Variants in ZBTB11 observed in about 807,000 individuals in gnomAD.
ZBTB11 encodes zinc finger and BTB domain-containing protein 11.
ZBTB11 carries 68 observed loss-of-function variants against 113.1 expected under a neutral mutation model. That is an observed-to-expected ratio of 0.60 (90% CI 0.49 to 0.74). ZBTB11 has a LOEUF of 0.74. ZBTB11 is among the 30% of genes least tolerant of loss of function. The pLI, the probability that ZBTB11 is intolerant of heterozygous loss-of-function variation, is 0.00. For synonymous variants in ZBTB11, 518 were observed against 452.6 expected (o/e 1.14, Z -1.83); for missense variants, 1,104 against 1,279.4 (o/e 0.86, Z 2.09).
intron 1 of ZBTB11, among the ~76,000 whole-genome samples, chr3:101,675,849 C>A (rs1559989971): frequency 6.6e-6 from 1 of 152,190 alleles, no homozygotes; most frequent in African/African-American, 2.4e-5. Context: ...AATCCCAACA[C>A]TTTGGGAGGC....
intron 3 of ZBTB11, among the ~76,000 whole-genome samples, chr3:101,669,830 CTTT>C (rs34961780): frequency 1.4e-5 from 2 of 141,192 alleles, no homozygotes; most frequent in Non-Finnish European, 3.1e-5. Context: ...GCTATTAGTG[CTTT>C]TTTTTTTTTT....
At chr3:101,668,547 T>C (rs1329742213) in intron 3 of ZBTB11, among the ~76,000 whole-genome samples, 1 of 151,392 alleles carries the variant, frequency 6.6e-6, no homozygotes, top group Non-Finnish European at 1.5e-5. Context: ...GAAAATTGCT[T>C]GAGCCCAAAA....
At chr3:101,671,062 G>C (rs570384393) in intron 3 of ZBTB11, 68 bp downstream of exon 3, 1 of 1,314,992 alleles carries the variant, frequency 7.6e-7, no homozygotes, top group East Asian at 2.4e-5. Flanking sequence ...GTGTGTGGAA[G>C]ACATACATAT....
At chr3:101,672,349 T>C (rs973128412) in intron 1 of ZBTB11, 136 bp from the exon 2 acceptor site, 1 of 599,764 alleles carries the variant, frequency 1.7e-6, no homozygotes, top group African/African-American at 1.9e-5. Context: ...TAGAGTTTAT[T>C]AGAATGTAAA....
intron 8 of ZBTB11, among the ~76,000 whole-genome samples, chr3:101,653,922 G>T (rs754325027): frequency 2.0e-5 from 3 of 152,180 alleles, no homozygotes; most frequent in Non-Finnish European, 4.4e-5. Context: ...ACAGGGTCTT[G>T]CTATGCTGCC....
At chr3:101,653,011 AT>A in intron 8 of ZBTB11, 73 bp from the exon 9 acceptor site, 1 of 1,494,986 alleles carries the variant, frequency 6.7e-7, no homozygotes, top group Non-Finnish European at 8.9e-7. Context: ...CTCAGTAACT[AT>A]TTTTAGTTTT....
chr3:101,672,283 TGCACATTAACACA>T, intron 1 of ZBTB11, 70 bp from the exon 2 acceptor site: 1 of 1,101,860 alleles, frequency 9.1e-7, no homozygotes, highest in Non-Finnish European at 1.3e-6. Context: ...ATTTAGTCTG[TGCACATTAACACA>T]TTTCAGTACA....
At chr3:101,670,476 C>T (rs1937070811) in intron 3 of ZBTB11, 1 of 152,026 alleles carries the variant, frequency 6.6e-6, no homozygotes, top group South Asian at 2.1e-4. Flanking sequence ...AAACAAAAAA[C>T]AAACCTGGGA....
At chr3:101,656,042 A>C (rs1936791902) in intron 7 of ZBTB11, 62 bp downstream of exon 7, 6 of 1,219,040 alleles carry the variant, frequency 4.9e-6, no homozygotes, top group Non-Finnish European at 6.5e-6. Flanking sequence ...TTCTGGTATA[A>C]TTAAAGCATA....
At chr3:101,661,820 GT>G (rs1363139047) in intron 5 of ZBTB11, among the ~76,000 whole-genome samples, 2 of 151,912 alleles carry the variant, frequency 1.3e-5, no homozygotes, top group Non-Finnish European at 2.9e-5. Flanking sequence ...TCTTTATATT[GT>G]TTTCCATGTT....
intron 1 of ZBTB11, among the ~76,000 whole-genome samples, chr3:101,674,401 A>G (rs1425592293): frequency 2.6e-5 from 4 of 152,136 alleles, no homozygotes; most frequent in East Asian, 1.9e-4. Context: ...ATATGAGTGT[A>G]GATTTAGAGA....
At chr3:101,668,844 T>C (rs938272380) in intron 3 of ZBTB11, among the ~76,000 whole-genome samples, 1 of 151,936 alleles carries the variant, frequency 6.6e-6, no homozygotes, top group Non-Finnish European at 1.5e-5. Flanking sequence ...TCAGGGACTA[T>C]CTGAAAATAA....
Position 101,656,237 on chromosome 3 carries a change from C to G in ZBTB11, c.2058G>C (p.Lys686Asn), listed in dbSNP as rs144559723. ...VKPHACQVCGKTFIYKHGLKL... is the reference protein window; with the variant it reads ...VKPHACQVCGNTFIYKHGLKL... ...TTAGACCATGCTTATAGATAAAAGT[C>G]TTTCCACAGACCTAAGATAGAACAG... The change falls in exon 7 of 11, where the codon AAG becomes AAC. Residue 686 changes from lysine (K) to asparagine (N), a missense_variant. Transcript: ENST00000312938. The G allele has an allele frequency of 2.5e-6, 4 of 1,575,214 alleles. No homozygotes were observed. Among genetic ancestry groups the G allele is most frequent in the Non-Finnish European group, 3.4e-6 (4 of 1,162,402 alleles).
chr3:101,672,059 G>T lies in ZBTB11; in HGVS notation c.465C>A (p.Asp155Glu), dbSNP rs540971906. ...SGEESNESED[D>E]LSNFTSSPTT... ...TTGGAGATGAAGTAAAGTTGCTCAG[G>T]TCATCTTCCGATTCATTACTTTCTT... Residue 155 changes from aspartate to glutamate, a missense_variant, in exon 2 of 11, where the codon GAC (aspartate) becomes GAA (glutamate). Physicochemically the swap from Asp to Glu is conservative, Grantham distance 45. This residue lies in a region of ZBTB11 where 245 missense variants were observed against 272.5 expected (regional missense o/e 0.90). Coordinates refer to ENST00000312938, the MANE Select transcript of ZBTB11 (RefSeq NM_014415.4). The T allele has an allele frequency of 6.2e-7, 1 of 1,614,126 alleles. No homozygotes were observed. The highest frequency in any genetic ancestry group is 1.3e-5 in the African/African-American group (1 of 75,036).
At chr3:101,662,709 A>G (rs1162817572) in intron 5 of ZBTB11, among the ~76,000 whole-genome samples, 1 of 152,092 alleles carries the variant, frequency 6.6e-6, no homozygotes, top group Non-Finnish European at 1.5e-5. Context: ...ATATGTTCTG[A>G]AGTTTTTTTC....
chr3:101,671,650 T>C (rs1937087629), intron 2 of ZBTB11: 1 of 577,972 alleles, frequency 1.7e-6, no homozygotes, highest in Admixed American at 3.3e-5. Flanking sequence ...AACAAAGACC[T>C]GGCCAGATTA....
rs1230362931 is a variant in ZBTB11 at position 101,665,073 on chromosome 3, C to G, written c.1514G>C (p.Ser505Thr). 1.2e-6 allele frequency: 2 copies of G among 1,614,126 alleles called. No individual in the cohort carries two copies. The highest frequency in any genetic ancestry group is 2.7e-5 in the African/African-American group (2 of 75,032). ...DFGPDDDTYR[S>T]RLRQRSVNEG... ...ATTAACAGAACGTTGTCGAAGCCTG[C>G]TTCTATAAGTATCATCATCAGGGCC... The change falls in exon 4 of 11, where the codon AGC (serine) becomes ACC (threonine). Residue 505 changes from serine to threonine, a missense_variant. Around this residue, in one of 5 missense-constraint regions of ZBTB11, gnomAD observed 535 missense variants for 518.6 expected, o/e 1.03. Coordinates refer to ENST00000312938, the MANE Select transcript of ZBTB11 (RefSeq NM_014415.4).
intron 5 of ZBTB11, chr3:101,661,940 T>C (rs1936894541): frequency 6.6e-6 from 1 of 152,110 alleles, no homozygotes; most frequent in African/African-American, 2.4e-5. Context: ...GAGATTTCAT[T>C]AGTTATATTT....
chr3:101,657,970 C>T (rs992451773), intron 6 of ZBTB11, among the ~76,000 whole-genome samples: 4 of 152,048 alleles, frequency 2.6e-5, no homozygotes, highest in Admixed American at 6.6e-5. Context: ...CACTGTATTC[C>T]GGCCTGGGTA....
Sources: allele counts gnomAD v4.1 joint callset (sites outside exome capture counted in the v4.1 genomes callset), GRCh38; gene constraint gnomAD v4.1.1; regional missense constraint gnomAD v4.1.1; transcripts MANE v1.5; gene names NCBI Gene and HGNC (gene_info 2026-07-23, HGNC 2026-07-21).